The following FANCI variants were observed in gnomAD, a reference collection of about 807,000 sequenced individuals.
FANCI encodes the protein Fanconi anemia group I protein.
A neutral mutation model predicts 176.1 loss-of-function variants in FANCI; 156 were observed. The ratio of observed to expected loss-of-function variants is 0.89; its 90% CI spans 0.78 to 1.01. The LOEUF (loss-of-function observed/expected upper bound fraction) is 1.01, where lower values mean the gene tolerates loss of function less well. Ranked by LOEUF, FANCI falls within the 50% of genes least tolerant of loss-of-function variation. The probability of loss-of-function intolerance (pLI) is 0.00; values close to 1 mark genes in which losing one functional copy is unlikely to be tolerated. For missense variants in FANCI, 1,678 were observed against 1,534.1 expected (o/e 1.09, Z -1.57); for synonymous variants, 613 against 541.7 (o/e 1.13, Z -1.83).
intron 9 of FANCI, among the ~76,000 whole-genome samples, chr15:89,264,907 C>G (rs541633098): frequency 2.6e-5 from 4 of 152,280 alleles, no homozygotes; most frequent in African/African-American, 9.6e-5. Flanking sequence ...ACCAGTCAGA[C>G]AATGTCCCTG....
chr15:89,254,056 A>G (rs1047240549), intron 2 of FANCI, among the ~76,000 whole-genome samples: 2 of 152,156 alleles, frequency 1.3e-5, no homozygotes, highest in Non-Finnish European at 2.9e-5. Flanking sequence ...TGAAAGAACC[A>G]TGAAGCAAAG....
chr15:89,279,608 T>G (rs777331295), intron 14 of FANCI, among the ~76,000 whole-genome samples: 62 of 152,238 alleles, frequency 4.1e-4, no homozygotes, highest in Non-Finnish European at 5.6e-4. Context: ...AGAGTCTGCT[T>G]CTTTTCCTGC....
At chr15:89,275,101 T>TTC (rs1482990875) in intron 12 of FANCI, among the ~76,000 whole-genome samples, 1 of 149,862 alleles carries the variant, frequency 6.7e-6, no homozygotes, top group Non-Finnish European at 1.5e-5. Flanking sequence ...TTTTTTTTTT[T>TTC]TTCTGAAGAC....
intron 11 of FANCI, 105 bp from the exon 12 acceptor site, chr15:89,274,063 T>C (rs2053311692): frequency 1.2e-6 from 1 of 848,022 alleles, no homozygotes; most frequent in Non-Finnish European, 1.8e-6. Context: ...ATTTATAGCA[T>C]GAGCTATATA....
At chr15:89,297,742 A>G (rs1377622556) in intron 24 of FANCI, among the ~76,000 whole-genome samples, 3 of 146,832 alleles carry the variant, frequency 2.0e-5, no homozygotes, top group Admixed American at 6.7e-5. Flanking sequence ...GAGACCGTGG[A>G]AAGAGAGGGA....
chr15:89,274,043 T>C (rs779964950), intron 11 of FANCI, 125 bp from the exon 12 acceptor site: 8 of 733,534 alleles, frequency 1.1e-5, no homozygotes, highest in South Asian at 1.9e-5. Context: ...GGAACAGTTA[T>C]AAGGTTAAGA....
At chr15:89,305,047 A>C in intron 28 of FANCI, 68 bp from the exon 29 acceptor site, 1 of 1,593,814 alleles carries the variant, frequency 6.3e-7, no homozygotes, top group South Asian at 1.1e-5. Flanking sequence ...AAGTGCTGGG[A>C]TTACAGGCGT....
chr15:89,315,248 A>T, intron 36 of FANCI, 34 bp from the exon 37 acceptor site: 1 of 1,486,490 alleles, frequency 6.7e-7, no homozygotes, highest in Non-Finnish European at 9.4e-7. Context: ...ACCTATGAGT[A>T]GGGAGATGTC....
At chr15:89,275,430 A>G (rs2053373637) in intron 12 of FANCI, among the ~76,000 whole-genome samples, 1 of 152,170 alleles carries the variant, frequency 6.6e-6, no homozygotes, top group East Asian at 1.9e-4. Context: ...AGTCTTTACT[A>G]TGTCATGCTT....
chr15:89,289,151 A>C (rs1472103671), intron 18 of FANCI, among the ~76,000 whole-genome samples: 1 of 151,994 alleles, frequency 6.6e-6, no homozygotes, highest in Non-Finnish European at 1.5e-5. Flanking sequence ...TGTACTATGT[A>C]TCTCTGTATG....
At chr15:89,305,736 G>T in intron 31 of FANCI, 38 bp downstream of exon 31, 1 of 1,591,006 alleles carries the variant, frequency 6.3e-7, no homozygotes, top group South Asian at 1.1e-5. Context: ...GAATTGACAT[G>T]AGCAAGGTCA....
intron 32 of FANCI, among the ~76,000 whole-genome samples, chr15:89,306,861 C>T (rs1029961975): frequency 6.6e-6 from 1 of 152,130 alleles, no homozygotes; most frequent in African/African-American, 2.4e-5. Flanking sequence ...AGAAATTATA[C>T]CATTTCTAAC....
At chr15:89,256,580 G>A (rs2052504492) in intron 2 of FANCI, among the ~76,000 whole-genome samples, 2 of 152,158 alleles carry the variant, frequency 1.3e-5, no homozygotes, top group Non-Finnish European at 2.9e-5. Flanking sequence ...GCTGGCAGCT[G>A]CTTCTCTTTT....
At chr15:89,284,432 A>G (rs1369960192) in intron 17 of FANCI, among the ~76,000 whole-genome samples, 2 of 152,232 alleles carry the variant, frequency 1.3e-5, no homozygotes, top group Non-Finnish European at 2.9e-5. Context: ...TAGATTAAAT[A>G]TTAGGAACAC....
At chr15:89,281,658 C>T in intron 15 of FANCI, 107 bp from the exon 16 acceptor site, 1 of 1,030,408 alleles carries the variant, frequency 9.7e-7, no homozygotes, top group Non-Finnish European at 1.5e-6. Flanking sequence ...GTATATAAAA[C>T]AGAAGTAAGC....
At chr15:89,311,819 G>A (rs745919570) in intron 34 of FANCI, among the ~76,000 whole-genome samples, 4 of 152,142 alleles carry the variant, frequency 2.6e-5, no homozygotes, top group Non-Finnish European at 5.9e-5. Flanking sequence ...AGCATGGTAT[G>A]TTCCCTTCCT....
At chr15:89,306,342 T>G in intron 32 of FANCI, 148 bp downstream of exon 32, 1 of 820,228 alleles carries the variant, frequency 1.2e-6, no homozygotes, top group Non-Finnish European at 2.0e-6. Flanking sequence ...TCATTTTAGT[T>G]TGGTCAGTAG....
intron 18 of FANCI, among the ~76,000 whole-genome samples, chr15:89,288,059 G>T (rs1321612279): frequency 1.3e-5 from 2 of 152,120 alleles, no homozygotes; most frequent in Non-Finnish European, 1.5e-5. Context: ...CTTGATGTAG[G>T]GTTGCCACAA....
chr15:89,305,493 G>T (rs2054683017), intron 30 of FANCI, 84 bp downstream of exon 30: 1 of 1,606,744 alleles, frequency 6.2e-7, no homozygotes, highest in Admixed American at 1.7e-5. Flanking sequence ...GTCCTATAGC[G>T]GCTTGTGTCC....
Sources: allele counts gnomAD v4.1 joint callset (sites outside exome capture counted in the v4.1 genomes callset), GRCh38; gene constraint gnomAD v4.1.1; transcripts MANE v1.5; gene names NCBI Gene and HGNC (gene_info 2026-07-23, HGNC 2026-07-21).